Variants in ZNF804A observed in about 807,000 individuals in gnomAD.
ZNF804A encodes the protein zinc finger protein 804A.
Under a neutral mutation model 16.5 loss-of-function variants are expected in ZNF804A, and 2 were observed. The observed-to-expected ratio is 0.12, with a 90% confidence interval of 0.05 to 0.38. ZNF804A has a LOEUF of 0.38. Among genes scored for constraint, ZNF804A ranks in the 10% least tolerant of loss-of-function variants. ZNF804A has a pLI of 0.99. For synonymous variants in ZNF804A, 534 were observed against 489.6 expected (o/e 1.09, Z -1.20); for missense variants, 1,473 against 1,390.7 (o/e 1.06, Z -0.94).
intron 1 of ZNF804A, among the ~76,000 whole-genome samples, chr2:184,780,039 C>T (rs1694350468): frequency 6.6e-6 from 1 of 151,716 alleles, no homozygotes; most frequent in African/African-American, 2.4e-5. Flanking sequence ...GGTTCACGAC[C>T]ATTCTAGAAC....
chr2:184,817,101 T>A (rs947175854), intron 1 of ZNF804A, among the ~76,000 whole-genome samples: 2 of 151,886 alleles, frequency 1.3e-5, no homozygotes, highest in Non-Finnish European at 2.9e-5. Context: ...ACCATGAGCA[T>A]TTGGAGAAGT....
At chr2:184,737,531 G>C (rs1392143342) in intron 1 of ZNF804A, among the ~76,000 whole-genome samples, 1 of 151,990 alleles carries the variant, frequency 6.6e-6, no homozygotes, top group Non-Finnish European at 1.5e-5. Context: ...TTTTGAACAT[G>C]TTTATGTAAT....
chr2:184,889,390 CAT>C (rs1357791837), intron 2 of ZNF804A, among the ~76,000 whole-genome samples: 3 of 151,596 alleles, frequency 2.0e-5, no homozygotes, highest in African/African-American at 4.8e-5. Flanking sequence ...AATGGTCACA[CAT>C]GTCAGAACTT....
intron 1 of ZNF804A, among the ~76,000 whole-genome samples, chr2:184,765,877 A>C (rs1480481191): frequency 6.6e-6 from 1 of 152,152 alleles, no homozygotes; most frequent in African/African-American, 2.4e-5. Flanking sequence ...ATTTAATAAT[A>C]GGTCTTTGTG....
At chr2:184,788,661 A>G (rs975697802) in intron 1 of ZNF804A, among the ~76,000 whole-genome samples, 2 of 152,066 alleles carry the variant, frequency 1.3e-5, no homozygotes, top group Admixed American at 6.6e-5. Flanking sequence ...TACAAATGCT[A>G]TTAATGTTTG....
At chr2:184,703,689 C>CAAAA (rs10593157) in intron 1 of ZNF804A, among the ~76,000 whole-genome samples, 42 of 56,144 alleles carry the variant, frequency 7.5e-4, no homozygotes, top group Admixed American at 1.1e-3. Context: ...GACTCCGGTT[C>CAAAA]AAAAAAAAAA....
At chr2:184,921,333 T>A (rs1352943302) in intron 2 of ZNF804A, among the ~76,000 whole-genome samples, 4 of 152,208 alleles carry the variant, frequency 2.6e-5, no homozygotes, top group African/African-American at 9.6e-5. Flanking sequence ...TAGGTGAGTT[T>A]TTTTTTACCT....
At chr2:184,837,854 C>T (rs1695378389) in intron 1 of ZNF804A, among the ~76,000 whole-genome samples, 1 of 152,124 alleles carries the variant, frequency 6.6e-6, no homozygotes, top group South Asian at 2.1e-4. Context: ...CCCTCATCCA[C>T]TGCCAGTGGA....
At chr2:184,916,373 A>G (rs1266923939) in intron 2 of ZNF804A, among the ~76,000 whole-genome samples, 1 of 152,174 alleles carries the variant, frequency 6.6e-6, no homozygotes, top group Non-Finnish European at 1.5e-5. Flanking sequence ...ACTCACTCCA[A>G]CTTGAAAGAT....
At chr2:184,889,026 T>C (rs1390981594) in intron 2 of ZNF804A, among the ~76,000 whole-genome samples, 1 of 152,110 alleles carries the variant, frequency 6.6e-6, no homozygotes, top group Non-Finnish European at 1.5e-5. Flanking sequence ...TGTGTGCATA[T>C]TTTAGATAGA....
intron 1 of ZNF804A, among the ~76,000 whole-genome samples, chr2:184,735,408 C>T (rs1276774689): frequency 1.3e-5 from 2 of 151,854 alleles, no homozygotes; most frequent in African/African-American, 4.8e-5. Flanking sequence ...CACATGGACA[C>T]AGGGAGGGGA....
At chr2:184,669,904 A>T (rs1008664181) in intron 1 of ZNF804A, among the ~76,000 whole-genome samples, 23 of 152,004 alleles carry the variant, frequency 1.5e-4, no homozygotes, top group African/African-American at 5.6e-4. Context: ...TAAGCCGGCA[A>T]TTTTTTCTTC....
intron 1 of ZNF804A, among the ~76,000 whole-genome samples, chr2:184,855,536 G>C (rs988543140): frequency 2.0e-5 from 3 of 151,626 alleles, no homozygotes; most frequent in Non-Finnish European, 4.4e-5. Context: ...TGTGACCAGG[G>C]TATTCTTAGA....
At chr2:184,794,414 G>C (rs1288630169) in intron 1 of ZNF804A, among the ~76,000 whole-genome samples, 2 of 151,760 alleles carry the variant, frequency 1.3e-5, no homozygotes, top group Non-Finnish European at 2.9e-5. Context: ...CTTTTTGATG[G>C]GATTGTTTCT....
chr2:184,622,164 G>A (rs1051869285), intron 1 of ZNF804A, among the ~76,000 whole-genome samples: 2 of 151,698 alleles, frequency 1.3e-5, no homozygotes, highest in African/African-American at 4.8e-5. Context: ...TCTCTCACAC[G>A]TCAAGTTCAT....
chr2:184,928,465 G>T (rs1433988310), intron 2 of ZNF804A, among the ~76,000 whole-genome samples: 6 of 152,052 alleles, frequency 3.9e-5, no homozygotes, highest in African/African-American at 9.7e-5. Flanking sequence ...TCTGCAGCCT[G>T]GGGTTAGGGG....
At chr2:184,893,085 C>T (rs1685013693) in intron 2 of ZNF804A, among the ~76,000 whole-genome samples, 1 of 151,970 alleles carries the variant, frequency 6.6e-6, no homozygotes, top group South Asian at 2.1e-4. Context: ...GTGATAGTCA[C>T]TTGAAGATAT....
At chr2:184,706,188 T>C (rs1367905656) in intron 1 of ZNF804A, among the ~76,000 whole-genome samples, 1 of 152,162 alleles carries the variant, frequency 6.6e-6, no homozygotes, top group East Asian at 1.9e-4. Context: ...CATGAGTTGG[T>C]ATATTATCAC....
At chr2:184,918,679 C>A (rs1200215296) in intron 2 of ZNF804A, among the ~76,000 whole-genome samples, 3 of 152,060 alleles carry the variant, frequency 2.0e-5, no homozygotes, top group Non-Finnish European at 4.4e-5. Flanking sequence ...TTTGTTCTAA[C>A]AATTTTTCCT....
Sources: gnomAD v4.1 joint callset for allele counts (sites outside exome capture counted in the v4.1 genomes callset) on GRCh38, gnomAD v4.1.1 for gene constraint, MANE v1.5 for transcripts, NCBI Gene and HGNC (gene_info 2026-07-23, HGNC 2026-07-21) for gene names.